PCDHGA6: variants seen among roughly 807,000 people sequenced by gnomAD.
The protein encoded by PCDHGA6 is protocadherin gamma-A6.
A neutral mutation model predicts 60.6 loss-of-function variants in PCDHGA6; 41 were observed. That is an observed-to-expected ratio of 0.68 (90% CI 0.53 to 0.88). The LOEUF (loss-of-function observed/expected upper bound fraction) is 0.88. PCDHGA6 is among the 40% of genes least tolerant of loss of function. The pLI is 0.00. For synonymous variants in PCDHGA6, 594 were observed against 524.4 expected (o/e 1.13, Z -1.81); for missense variants, 1,312 against 1,203.0 (o/e 1.09, Z -1.34).
intron 1 of PCDHGA6, chr5:141,393,206 A>C (rs774279389): frequency 1.2e-6 from 2 of 1,613,470 alleles, no homozygotes; most frequent in African/African-American, 1.3e-5. Context: ...ATAATAACCC[A>C]AAATTCCAGG....
In PCDHGA6 at chr5:141,511,281, G is replaced by A; in HGVS notation, c.*108G>A. The A allele has an allele frequency of 2.0e-6, 3 of 1,531,280 alleles. No homozygotes were observed. Among genetic ancestry groups the A allele is most frequent in the Non-Finnish European group, 2.6e-6 (3 of 1,137,132 alleles). 94.9% of individuals were successfully genotyped at this position (1,531,280 alleles called of 1,614,324 possible). ...TTCAGGGCTAACCCCCAGAATACTG[G>A]TAGGGGCCAAGGCCATGCTCCCCTT... On this transcript the variant is annotated 3_prime_UTR_variant, in exon 4 of 4. Transcript: ENST00000517434.
intron 1 of PCDHGA6, among the ~76,000 whole-genome samples, chr5:141,429,826 C>T (rs1211415098): frequency 2.6e-5 from 4 of 152,054 alleles, no homozygotes; most frequent in Non-Finnish European, 4.4e-5. Context: ...GGTCAGTTAC[C>T]CAGGAAAAGG....
intron 1 of PCDHGA6, among the ~76,000 whole-genome samples, chr5:141,447,725 C>T (rs1009407606): frequency 1.3e-5 from 2 of 152,174 alleles, no homozygotes; most frequent in African/African-American, 4.8e-5. Context: ...TTTTCCAAAA[C>T]TCATTGAACT....
chr5:141,453,287 A>T (rs900058377), intron 1 of PCDHGA6, among the ~76,000 whole-genome samples: 1 of 151,368 alleles, frequency 6.6e-6, no homozygotes, highest in Non-Finnish European at 1.5e-5. Context: ...CTAATTTTTT[A>T]ATTATTTATT....
At chr5:141,500,930 G>A (rs1300719832) in intron 2 of PCDHGA6, among the ~76,000 whole-genome samples, 4 of 151,824 alleles carry the variant, frequency 2.6e-5, no homozygotes, top group Admixed American at 6.6e-5. Context: ...GTGCAGTGGC[G>A]CCATCTCGGC....
chr5:141,456,800 TA>T (rs1038857337), intron 1 of PCDHGA6, among the ~76,000 whole-genome samples: 2 of 151,846 alleles, frequency 1.3e-5, no homozygotes, highest in African/African-American at 4.8e-5. Flanking sequence ...CCATCTCTAC[TA>T]AAAATACAAA....
chr5:141,418,864 A>T, intron 1 of PCDHGA6: 1 of 1,614,046 alleles, frequency 6.2e-7, no homozygotes, highest in Non-Finnish European at 8.5e-7. Context: ...AAGTAATTGT[A>T]GAAGTTGTAG....
rs201022238 is a variant in PCDHGA6 at position 141,415,678 on chromosome 5, G to A, written c.2424+39171G>A. 470 of 1,555,406 alleles carry A rather than the reference G, an allele frequency of 3.0e-4. 2 individuals carry two copies. In the African/African-American group the frequency reaches 5.9e-3, roughly 20 times the overall value. ...GATTGGTTTTTACTTTGAAGTTTGC[G>A]GCATGATGGTGGAAAGTGTAAATGC... On this transcript the variant is annotated intron_variant, in intron 1 of 3. Coordinates refer to ENST00000517434, the MANE Select transcript of PCDHGA6 (RefSeq NM_018919.3).
At chr5:141,413,248 G>C in intron 1 of PCDHGA6, 1 of 1,613,962 alleles carries the variant, frequency 6.2e-7, no homozygotes, top group Non-Finnish European at 8.5e-7. Context: ...CCTTTTCTTC[G>C]GGATTCCATG....
intron 1 of PCDHGA6, among the ~76,000 whole-genome samples, chr5:141,437,781 A>G (rs957126405): frequency 7.3e-5 from 11 of 149,878 alleles, no homozygotes; most frequent in Admixed American, 6.7e-5. Flanking sequence ...ATCTGTCGCC[A>G]AGCTGGAGTG....
intron 1 of PCDHGA6, chr5:141,424,602 T>G (rs2154550827): frequency 6.6e-6 from 1 of 152,334 alleles, no homozygotes; most frequent in African/African-American, 2.4e-5. Flanking sequence ...GTCTACAGAT[T>G]TATTCAAATA....
At chr5:141,398,254 A>C (rs868152545) in intron 1 of PCDHGA6, 1 of 1,465,852 alleles carries the variant, frequency 6.8e-7, no homozygotes, top group East Asian at 2.5e-5. Context: ...GGAAATGCCC[A>C]AGGGCTCCGT....
In PCDHGA6 at chr5:141,375,628, C is replaced by T. The variant is rs1771676563; in HGVS notation, c.1545C>T (p.Tyr515=). ...TCAACTCCGACACTGGGATTCTGTACGCCCTGCGCTCCTTCGACTATGAGC... is the reference window on the plus strand; with the variant it reads ...TCAACTCCGACACTGGGATTCTGTATGCCCTGCGCTCCTTCGACTATGAGC... ...VSINSDTGIL[Y]ALRSFDYEQL... is the part of the protein sequence containing the mutation. The change falls in exon 1 of 4, where the codon TAC becomes TAT. Residue 515 remains tyrosine, a synonymous_variant. Coordinates refer to ENST00000517434, the MANE Select transcript of PCDHGA6 (RefSeq NM_018919.3). The T allele has an allele frequency of 1.4e-5, 23 of 1,614,200 alleles. No homozygotes were observed. Among genetic ancestry groups the T allele is most frequent in the Non-Finnish European group, 1.8e-5 (21 of 1,180,022 alleles).
chr5:141,418,649 G>A (rs760169796), intron 1 of PCDHGA6: 3 of 1,613,926 alleles, frequency 1.9e-6, no homozygotes, highest in Non-Finnish European at 2.5e-6. Flanking sequence ...CATCCTGAGA[G>A]TGAAGGCCAC....
rs1303712746 is a variant in PCDHGA6 at position 141,512,800 on chromosome 5, C to G, written c.*1627C>G. The G allele has an allele frequency of 1.3e-5, 2 of 152,238 alleles. No homozygotes were observed. Among genetic ancestry groups the G allele is most frequent in the African/African-American group, 4.8e-5 (2 of 41,434 alleles). The allele number at this position is 152,238 out of a possible 1,614,324, so 9.4% of individuals were successfully genotyped here. A position where few individuals can be genotyped will look rare whatever the true frequency, so the allele number is the denominator to read the frequency against. On this transcript the variant is annotated 3_prime_UTR_variant, in exon 4 of 4. Coordinates refer to ENST00000517434, the MANE Select transcript of PCDHGA6 (RefSeq NM_018919.3). Reference sequence around the variant, plus strand: ...GCCCGTGTTGTGTTTTGTGCTGTGTCCACGCGCTAAGGCGACCCCCTCCCC... The same window carrying G: ...GCCCGTGTTGTGTTTTGTGCTGTGTGCACGCGCTAAGGCGACCCCCTCCCC...
chr5:141,393,634 A>G (rs1589198700), intron 1 of PCDHGA6: 3 of 1,613,848 alleles, frequency 1.9e-6, no homozygotes, highest in African/African-American at 2.7e-5. Flanking sequence ...GAGGGAATCA[A>G]CGGAAAAGTG....
chr5:141,486,843 A>G lies in PCDHGA6; in HGVS notation c.2425-7964A>G, dbSNP rs1455684942. On this transcript the variant is annotated intron_variant, in intron 1 of 3. Coordinates refer to ENST00000517434, the MANE Select transcript of PCDHGA6 (RefSeq NM_018919.3). The surrounding 1 kb of genome is among the most constrained non-coding windows in gnomAD (Gnocchi z 5.0). ...GTAACAGTTCGTCTATTTGTGCTGG[A>G]CCTCAATGACAATGCTCCAGCTGTG... 6.2e-7 allele frequency: 1 copy of G among 1,614,214 alleles called. No homozygotes were observed. Among genetic ancestry groups the G allele is most frequent in the Admixed American group, 1.7e-5 (1 of 60,034 alleles).
chr5:141,378,862 C>T (rs899917720), intron 1 of PCDHGA6: 2 of 152,096 alleles, frequency 1.3e-5, no homozygotes, highest in African/African-American at 4.8e-5. Flanking sequence ...CAATGATGTT[C>T]GAATAGAAAA....
At chr5:141,433,358 C>CTAT (rs2097585632) in intron 1 of PCDHGA6, 108 of 504,044 alleles carry the variant, frequency 2.1e-4, no homozygotes, top group African/African-American at 2.0e-3. Flanking sequence ...CTACTGTCTG[C>CTAT]CTATCTATCT....
Sources: allele counts gnomAD v4.1 joint callset (sites outside exome capture counted in the v4.1 genomes callset), GRCh38; gene constraint gnomAD v4.1.1; non-coding constraint Gnocchi (gnomAD v3.1); transcripts MANE v1.5; gene names NCBI Gene and HGNC (gene_info 2026-07-23, HGNC 2026-07-21).